Variants in ERI1 observed in about 807,000 individuals in gnomAD.
ERI1 encodes the protein 3'-5' exoribonuclease 1.
A neutral mutation model predicts 39.7 loss-of-function variants in ERI1; 39 were observed. The observed-to-expected ratio is 0.98, with a 90% confidence interval of 0.76 to 1.28. The LOEUF (loss-of-function observed/expected upper bound fraction) is 1.28, where lower values mean the gene tolerates loss of function less well. Ranked by LOEUF, ERI1 falls within the 50% of genes most tolerant of loss-of-function variation. The pLI, the probability that ERI1 is intolerant of heterozygous loss-of-function variation, is 0.00. For missense variants in ERI1, 581 were observed against 416.9 expected, an observed-to-expected ratio of 1.39 and a Z score of -3.43; for synonymous variants, 204 against 149.6, an observed-to-expected ratio of 1.36 and a Z score of -2.65.
chr8:9,012,669 C>T (rs963653318), intron 3 of ERI1, among the ~76,000 whole-genome samples: 1 of 152,198 alleles, frequency 6.6e-6, no homozygotes, highest in Non-Finnish European at 1.5e-5. Context: ...CTCTCTTACT[C>T]AAGGACGTTA....
downstream of ERI1, among the ~76,000 whole-genome samples, chr8:9,036,875 C>G (rs1398142658): frequency 6.6e-6 from 1 of 152,036 alleles, no homozygotes; most frequent in Non-Finnish European, 1.5e-5. Flanking sequence ...ACCTGTTTTC[C>G]CTTTGGATTT....
chr8:9,034,984 C>T (rs1368360416), downstream of ERI1, among the ~76,000 whole-genome samples: 2 of 152,186 alleles, frequency 1.3e-5, no homozygotes, highest in African/African-American at 4.8e-5. Context: ...GCAACATTTC[C>T]TTAAGCCAAA....
At position 9,030,380 on chromosome 8, in the gene ERI1, A is replaced by T; in HGVS notation, c.*346A>T. The T allele has an allele frequency of 4.6e-6, 1 of 217,254 alleles. No individual in the cohort carries two copies. Among genetic ancestry groups the T allele is most frequent in the South Asian group, 8.8e-5 (1 of 11,312 alleles). 13.5% of individuals were successfully genotyped at this position (217,254 alleles called of 1,614,324 possible). On this transcript the variant is annotated 3_prime_UTR_variant, in exon 7 of 7. Transcript: ENST00000250263. The stretch of plus-strand genomic sequence containing the variant: ...GAATGTCATATCTTACTGGTGTTTA[A>T]ATATGTAATGTGTTTCTTTATTAAC...
intron 1 of ERI1, among the ~76,000 whole-genome samples, chr8:9,006,740 G>C (rs943452928): frequency 6.6e-6 from 1 of 152,084 alleles, no homozygotes; most frequent in Non-Finnish European, 1.5e-5. Context: ...TTTATGGACA[G>C]TTCACACATT....
chr8:9,083,553 A>G (rs1161476990), intron 3 of ERI1, among the ~76,000 whole-genome samples: 4 of 152,126 alleles, frequency 2.6e-5, no homozygotes, highest in African/African-American at 7.2e-5. Flanking sequence ...TCATCAACTC[A>G]TAATCAATAC....
intron 3 of ERI1, among the ~76,000 whole-genome samples, chr8:9,072,132 A>G (rs1799071349): frequency 6.6e-6 from 1 of 152,140 alleles, no homozygotes; most frequent in Admixed American, 6.5e-5. Flanking sequence ...AATACAGAAT[A>G]CCATGATTTA....
At chr8:9,046,284 C>T (rs539327238) in intron 3 of ERI1, among the ~76,000 whole-genome samples, 6 of 152,248 alleles carry the variant, frequency 3.9e-5, no homozygotes, top group South Asian at 2.1e-4. Context: ...GTCTGCCCTC[C>T]GAGTGACAGT....
chr8:9,009,179 T>TA (rs1816404044), intron 2 of ERI1: 1 of 435,698 alleles, frequency 2.3e-6, no homozygotes, highest in African/African-American at 2.0e-5. Context: ...TATTGAATTC[T>TA]AAGTACTGCA....
chr8:9,097,642 C>T (rs1319502796), intron 3 of ERI1, among the ~76,000 whole-genome samples: 2 of 141,130 alleles, frequency 1.4e-5, no homozygotes, highest in Non-Finnish European at 3.0e-5. Context: ...GCACTCCAGC[C>T]TAGGTGACAG....
chr8:9,045,905 C>G (rs1439657219), intron 3 of ERI1, among the ~76,000 whole-genome samples: 1 of 151,894 alleles, frequency 6.6e-6, no homozygotes, highest in Non-Finnish European at 1.5e-5. Flanking sequence ...TCTTGAATTC[C>G]TGACCTCAAG....
rs993567109 is a variant in ERI1 at position 9,086,675 on chromosome 8, T to G, written n.300-29673T>G. Among the ~76,000 whole-genome samples the G allele has an allele frequency of 2.0e-5, 3 of 152,198 alleles. No individual in the cohort carries two copies. In the South Asian group the frequency reaches 6.2e-4, roughly 31 times the overall value. ...AGAAGCCTGTTGGTTTCAGCACTGT[T>G]TATAACAGTAAAAAATGAAAAGCAG... is the stretch of plus-strand genomic sequence containing the variant. On this transcript the variant is annotated intron_variant and non_coding_transcript_variant, in intron 3 of 3. Transcript: ENST00000518663.
chr8:9,083,370 G>A (rs1166987414), intron 3 of ERI1, among the ~76,000 whole-genome samples: 1 of 152,072 alleles, frequency 6.6e-6, no homozygotes, highest in Non-Finnish European at 1.5e-5. Flanking sequence ...ACCGTAACAA[G>A]AGAAAGCATA....
At chr8:9,033,724 G>T (rs1301369957), downstream of ERI1, among the ~76,000 whole-genome samples, 1 of 152,208 alleles carries the variant, frequency 6.6e-6, no homozygotes, top group African/African-American at 2.4e-5. Flanking sequence ...AGTTTAAGTA[G>T]TGGGAGCTGT....
At chr8:9,076,805 T>C (rs1157113439) in intron 3 of ERI1, among the ~76,000 whole-genome samples, 5 of 152,160 alleles carry the variant, frequency 3.3e-5, no homozygotes, top group Non-Finnish European at 7.3e-5. Context: ...GAAGCGGGGA[T>C]GTGTGTTCTC....
intron 3 of ERI1, among the ~76,000 whole-genome samples, chr8:9,054,544 C>G (rs945919191): frequency 2.0e-5 from 3 of 152,196 alleles, no homozygotes; most frequent in African/African-American, 4.8e-5. Context: ...TTATGTGGCA[C>G]AGGAGGCTTC....
At position 9,029,873 on chromosome 8, in the gene ERI1, G is replaced by C; in HGVS notation, c.889G>C (p.Asp297His). 2 of 1,614,170 alleles carry C rather than the reference G, an allele frequency of 1.2e-6. No homozygotes were observed. The highest frequency in any genetic ancestry group is 1.7e-6 in the Non-Finnish European group (2 of 1,180,030). ...TGATGGGCGGCCTCACTGTGGTCTT[G>C]ATGACTCTAAGAATATCGCCCGAAT... is the stretch of plus-strand genomic sequence containing the variant. ...DYDGRPHCGL[D>H]DSKNIARIAV... The change falls in exon 7 of 7, where the codon GAT becomes CAT. Residue 297 changes from aspartate to histidine, a missense_variant. Transcript: ENST00000250263.
At chr8:9,084,002 C>G (rs1799449260) in intron 3 of ERI1, among the ~76,000 whole-genome samples, 2 of 152,118 alleles carry the variant, frequency 1.3e-5, no homozygotes, top group Non-Finnish European at 2.9e-5. Context: ...ACCGTGTTAG[C>G]CAGGATGGTC....
In ERI1 at chr8:9,031,975, C is replaced by G. The variant is rs1350893752; in HGVS notation, c.*1941C>G. On this transcript the variant is annotated 3_prime_UTR_variant, in exon 7 of 7. Transcript: ENST00000250263. Reference sequence around the variant, plus strand: ...GTTTCACCATGTTGGTCAGGCTGGTCTTGAACTCCTGACCTCAAGTGATTT... The same window carrying G: ...GTTTCACCATGTTGGTCAGGCTGGTGTTGAACTCCTGACCTCAAGTGATTT... The G allele has an allele frequency of 6.6e-6, 1 of 152,244 alleles. No homozygotes were observed. Among genetic ancestry groups the G allele is most frequent in the East Asian group, 1.9e-4 (1 of 5,198 alleles). The allele number at this position is 152,244 out of a possible 1,614,324, so 9.4% of individuals were successfully genotyped here. A position where few individuals can be genotyped will look rare whatever the true frequency, so the allele number is the denominator to read the frequency against.
chr8:9,016,640 C>T (rs902953495), intron 4 of ERI1, among the ~76,000 whole-genome samples: 1 of 151,438 alleles, frequency 6.6e-6, no homozygotes, highest in Non-Finnish European at 1.5e-5. Context: ...AAGATTTCGT[C>T]TGTAAAATGC....
Sources: allele counts gnomAD v4.1 joint callset (sites outside exome capture counted in the v4.1 genomes callset), GRCh38; gene constraint gnomAD v4.1.1; transcripts MANE v1.5; gene names NCBI Gene and HGNC (gene_info 2026-07-23, HGNC 2026-07-21).